The following HEATR5B variants were observed in gnomAD, a reference collection of about 807,000 sequenced individuals.
HEATR5B encodes HEAT repeat-containing protein 5B.
HEATR5B carries 156 observed loss-of-function variants against 224.1 expected under a neutral mutation model. That is an observed-to-expected ratio of 0.70 (90% CI 0.61 to 0.80). The LOEUF (loss-of-function observed/expected upper bound fraction) is 0.80. Ranked by LOEUF, HEATR5B falls within the 30% of genes least tolerant of loss-of-function variation. HEATR5B has a pLI of 0.00. For missense variants in HEATR5B, 2,323 were observed against 2,535.5 expected (o/e 0.92, Z 1.80); for synonymous variants, 1,027 against 893.0 (o/e 1.15, Z -2.68).
At chr2:37,052,029 C>G (rs1298728023) in intron 17 of HEATR5B, among the ~76,000 whole-genome samples, 1 of 152,100 alleles carries the variant, frequency 6.6e-6, no homozygotes, top group African/African-American at 2.4e-5. Flanking sequence ...CATAAGCCAC[C>G]ACGCCCAGCC....
chr2:36,996,037 C>G (rs989659908), intron 33 of HEATR5B, among the ~76,000 whole-genome samples: 1 of 151,348 alleles, frequency 6.6e-6, no homozygotes, highest in Admixed American at 6.6e-5. Context: ...AGGCACACGT[C>G]ACTGCGCTCA....
intron 31 of HEATR5B, among the ~76,000 whole-genome samples, chr2:37,002,885 C>T (rs571160679): frequency 3.9e-5 from 6 of 152,244 alleles, no homozygotes; most frequent in African/African-American, 1.4e-4. Flanking sequence ...AGTCGACTCT[C>T]AGCAATTTCA....
At chr2:37,005,792 A>T in intron 29 of HEATR5B, 33 bp from the exon 30 acceptor site, 1 of 1,505,352 alleles carries the variant, frequency 6.6e-7, no homozygotes, top group Admixed American at 2.3e-5. Context: ...ATGTTTTTTC[A>T]CTTATAAAAC....
chr2:37,070,487 G>A (rs1671841282), intron 6 of HEATR5B, 100 bp from the exon 7 acceptor site: 2 of 848,594 alleles, frequency 2.4e-6, no homozygotes, highest in Admixed American at 2.8e-5. Flanking sequence ...ACTACAATGG[G>A]GAAATGGTTT....
At chr2:37,043,469 GA>G (rs1670000654) in intron 18 of HEATR5B, among the ~76,000 whole-genome samples, 1 of 152,140 alleles carries the variant, frequency 6.6e-6, no homozygotes, top group African/African-American at 2.4e-5. Context: ...AAGCTTTAGC[GA>G]AAAAATAACT....
At chr2:36,995,134 G>C (rs1319192422) in intron 33 of HEATR5B, among the ~76,000 whole-genome samples, 1 of 132,622 alleles carries the variant, frequency 7.5e-6, no homozygotes, top group Non-Finnish European at 1.5e-5. Context: ...CTGTCACCCA[G>C]GCTGGGATGC....
intron 2 of HEATR5B, among the ~76,000 whole-genome samples, chr2:37,079,809 A>C (rs1198340681): frequency 6.6e-6 from 1 of 152,232 alleles, no homozygotes; most frequent in Non-Finnish European, 1.5e-5. Flanking sequence ...CAATATCTAG[A>C]ATTCATTTAT....
intron 11 of HEATR5B, 146 bp from the exon 12 acceptor site, chr2:37,060,879 T>C (rs983052248): frequency 3.4e-5 from 18 of 526,642 alleles, no homozygotes; most frequent in Non-Finnish European, 4.8e-5. Context: ...TATCTGTTAT[T>C]TCACTCTATT....
rs895636862 is a variant in HEATR5B at position 37,082,173 on chromosome 2, G to A, written c.126+1116C>T. Among the ~76,000 whole-genome samples, 4 of 138,216 alleles carry A rather than the reference G, an allele frequency of 2.9e-5. No homozygotes were observed. In the Admixed American group the frequency reaches 3.3e-4, roughly 11 times the overall value. 90.7% of individuals were successfully genotyped at this position (138,216 alleles called of 152,430 possible). On this transcript the variant is annotated intron_variant, in intron 2 of 35. Coordinates refer to ENST00000233099, the MANE Select transcript of HEATR5B (RefSeq NM_019024.3). The stretch of plus-strand genomic sequence containing the variant: ...CAACCTCTGCCTTTCCGGCTCAAGC[G>A]ATTCTCCTGCCTCAGCCTCCCCAGT...
At chr2:37,071,113 T>C (rs1199744338) in intron 6 of HEATR5B, among the ~76,000 whole-genome samples, 6 of 150,710 alleles carry the variant, frequency 4.0e-5, no homozygotes, top group Non-Finnish European at 7.4e-5. Flanking sequence ...GGCACATAGT[T>C]AGCACTTTAA....
intron 7 of HEATR5B, 121 bp from the exon 8 acceptor site, chr2:37,069,051 A>G (rs1353110279): frequency 9.5e-7 from 1 of 1,058,200 alleles, no homozygotes; most frequent in Non-Finnish European, 1.3e-6. Flanking sequence ...TGAGGCTAAA[A>G]CAGAGAAAAT....
At chr2:37,054,178 T>G (rs2148537057) in intron 16 of HEATR5B, among the ~76,000 whole-genome samples, 1 of 149,104 alleles carries the variant, frequency 6.7e-6, no homozygotes, top group Admixed American at 6.8e-5. Flanking sequence ...ATGGCCATCT[T>G]AGATGATTTC....
chr2:37,010,524 T>G (rs1329287646), intron 27 of HEATR5B, among the ~76,000 whole-genome samples: 1 of 107,058 alleles, frequency 9.3e-6, no homozygotes. Context: ...ACACTGTTTT[T>G]TTTTTTGAGA....
chr2:37,075,659 T>C (rs776039822), intron 4 of HEATR5B, 25 bp from the exon 5 acceptor site: 1 of 1,566,508 alleles, frequency 6.4e-7, no homozygotes, highest in South Asian at 1.2e-5. Flanking sequence ...AAAACAAAAC[T>C]ATTTTGTAAA....
rs1250890548 is a variant in HEATR5B, at chr2:37,075,503, A to G, written c.579T>C (p.Val193=). The G allele has an allele frequency of 6.2e-7, 1 of 1,613,444 alleles. No individual in the cohort carries two copies. The change falls in exon 5 of 36, where the codon GTT becomes GTC. Residue 193 remains valine (V), a synonymous_variant. Coordinates refer to ENST00000233099, the MANE Select transcript of HEATR5B (RefSeq NM_019024.3). ...TACTAACCTTGGCCACTGCACATCG[A>G]ACAGCCATTGACCTATCAGTCAAGA... ...RSLLTDRSMA[V]RCAVAKCLLE...
intron 17 of HEATR5B, 132 bp from the exon 18 acceptor site, chr2:37,049,975 C>T (rs562657717): frequency 5.2e-5 from 43 of 827,082 alleles, no homozygotes; most frequent in Middle Eastern, 3.8e-4. Context: ...ACTACAGCCT[C>T]GACCTTCTGA....
chr2:37,076,642 C>T (rs1308420072), intron 4 of HEATR5B, among the ~76,000 whole-genome samples: 1 of 67,540 alleles, frequency 1.5e-5, no homozygotes, highest in Non-Finnish European at 3.2e-5. Flanking sequence ...TTAGCTATGG[C>T]ACCAAAAAAA....
In HEATR5B at chr2:37,020,804, T is replaced by A; in HGVS notation, c.3886A>T (p.Ile1296Phe). Residue 1296 changes from isoleucine (I) to phenylalanine (F), a missense_variant, in exon 25 of 36, where the codon ATT becomes TTT. Physicochemically the swap from Ile to Phe is conservative, Grantham distance 21 (BLOSUM62 0). Coordinates refer to ENST00000233099, the MANE Select transcript of HEATR5B (RefSeq NM_019024.3). ...GTTGCAGCCATGAATGCCATGCGAA[T>A]GAGGTCAGAGAGATGAAGTACCAAG... ...DLLVLHLSDL[I>F]RMAFMAATDH... 6.3e-7 allele frequency: 1 copy of A among 1,592,952 alleles called. No homozygotes were observed. Among genetic ancestry groups the A allele is most frequent in the Non-Finnish European group, 8.5e-7 (1 of 1,174,894 alleles).
chr2:37,056,340 T>A, intron 16 of HEATR5B, 100 bp downstream of exon 16: 2 of 756,854 alleles, frequency 2.6e-6, no homozygotes. Flanking sequence ...AGTATTATAA[T>A]AACTCACTTT....
Sources: gnomAD v4.1 joint callset for allele counts (sites outside exome capture counted in the v4.1 genomes callset) on GRCh38, gnomAD v4.1.1 for gene constraint, MANE v1.5 for transcripts, NCBI Gene and HGNC (gene_info 2026-07-23, HGNC 2026-07-21) for gene names.